PDE1C: variants seen among roughly 807,000 people sequenced by gnomAD.
The protein encoded by PDE1C is phosphodiesterase 1C, also known as dual specificity calcium/calmodulin-dependent 3',5'-cyclic nucleotide phosphodiesterase 1C.
Under a neutral mutation model 93.1 loss-of-function variants are expected in PDE1C, and 62 were observed. The ratio of observed to expected loss-of-function variants is 0.67; its 90% CI spans 0.54 to 0.82. PDE1C has a LOEUF of 0.82. PDE1C is among the 40% of genes least tolerant of loss of function. PDE1C has a pLI of 0.00. For missense variants in PDE1C, 742 were observed against 884.6 expected (o/e 0.84, Z 2.04); for synonymous variants, 325 against 310.1 (o/e 1.05, Z -0.50).
intron 1 of PDE1C, among the ~76,000 whole-genome samples, chr7:32,273,508 G>A (rs1183802354): frequency 6.6e-6 from 1 of 152,172 alleles, no homozygotes; most frequent in Non-Finnish European, 1.5e-5. Flanking sequence ...CACAGTAAGG[G>A]GAACTGGAAC....
chr7:31,652,781 T>G, the PDE1C span: 1 of 1,613,794 alleles, frequency 6.2e-7, no homozygotes, highest in Middle Eastern at 1.6e-4. Context: ...GTCCAACCCC[T>G]TTGTCAAATT....
At chr7:32,261,430 TA>T (rs1810193048) in intron 1 of PDE1C, among the ~76,000 whole-genome samples, 1 of 152,158 alleles carries the variant, frequency 6.6e-6, no homozygotes. Flanking sequence ...AAATTATCTT[TA>T]AAAACTCTGA....
chr7:32,247,905 A>G (rs550382110), intron 1 of PDE1C, among the ~76,000 whole-genome samples: 3 of 152,316 alleles, frequency 2.0e-5, no homozygotes, highest in Non-Finnish European at 2.9e-5. Context: ...GTACTAGTAC[A>G]ATGGGCATCT....
chr7:31,795,181 AT>A (rs1166669569), intron 16 of PDE1C, among the ~76,000 whole-genome samples: 2 of 151,920 alleles, frequency 1.3e-5, no homozygotes, highest in Non-Finnish European at 2.9e-5. Flanking sequence ...TAGAAAAGAA[AT>A]GGCATTACCA....
intron 2 of PDE1C, among the ~76,000 whole-genome samples, chr7:31,958,986 C>T (rs181810735): frequency 2.2e-4 from 33 of 152,234 alleles, no homozygotes; most frequent in Admixed American, 1.9e-3. Flanking sequence ...TCCTATCACC[C>T]CTTTCCCCAG....
chr7:32,380,910 G>A (rs747701844), intron 1 of PDE1C, among the ~76,000 whole-genome samples: 1 of 151,824 alleles, frequency 6.6e-6, no homozygotes, highest in Non-Finnish European at 1.5e-5. Flanking sequence ...CAGCTGTACT[G>A]CACACCACAC....
At chr7:31,792,901 C>G (rs998443439) in intron 16 of PDE1C, among the ~76,000 whole-genome samples, 1 of 152,056 alleles carries the variant, frequency 6.6e-6, no homozygotes, top group African/African-American at 2.4e-5. Context: ...GAAATGGAAA[C>G]TTTCTTGCCA....
chr7:32,417,994 T>G (rs531326112), intron 1 of PDE1C, among the ~76,000 whole-genome samples: 10 of 152,294 alleles, frequency 6.6e-5, no homozygotes, highest in South Asian at 4.1e-4. Flanking sequence ...TTTTGTTTTG[T>G]TTTGGTTTGG....
At chr7:32,188,714 T>G (rs1804039769) in intron 2 of PDE1C, among the ~76,000 whole-genome samples, 1 of 152,104 alleles carries the variant, frequency 6.6e-6, no homozygotes, top group South Asian at 2.1e-4. Context: ...TTCTAAGTCT[T>G]TAGGATGGTA....
chr7:32,116,946 C>T (rs375523338), intron 3 of PDE1C, among the ~76,000 whole-genome samples: 11 of 152,186 alleles, frequency 7.2e-5, no homozygotes, highest in African/African-American at 2.7e-4. Flanking sequence ...AGTGTTAACA[C>T]TCCTCATCTC....
chr7:31,760,313 T>C (rs1387103481), intron 17 of PDE1C, among the ~76,000 whole-genome samples: 1 of 152,206 alleles, frequency 6.6e-6, no homozygotes, highest in African/African-American at 2.4e-5. Flanking sequence ...AATTAATTTC[T>C]TATCATATGG....
At chr7:32,282,485 A>AATAGATAGCTAGATAGATAGACAGATAG (rs376678996) in intron 1 of PDE1C, among the ~76,000 whole-genome samples, 2 of 143,860 alleles carry the variant, frequency 1.4e-5, no homozygotes, top group Non-Finnish European at 3.0e-5. Context: ...TCAAAAAAAA[A>AATAGATAGCTAGATAGATAGACAGATAG]ATAGATAGAT....
chr7:31,705,380 G>A, the PDE1C span, among the ~76,000 whole-genome samples: 1 of 152,170 alleles, frequency 6.6e-6, no homozygotes, highest in Non-Finnish European at 1.5e-5. Context: ...TTGGGGCTCA[G>A]CATAGCTAAC....
At chr7:32,384,212 G>A (rs759764575) in intron 1 of PDE1C, among the ~76,000 whole-genome samples, 1 of 152,124 alleles carries the variant, frequency 6.6e-6, no homozygotes, top group African/African-American at 2.4e-5. Flanking sequence ...AAGATTCACA[G>A]GTAAATAAAT....
intron 11 of PDE1C, among the ~76,000 whole-genome samples, chr7:31,830,226 T>C (rs1426830372): frequency 2.0e-5 from 3 of 151,804 alleles, no homozygotes; most frequent in South Asian, 2.1e-4. Context: ...GCTGATAATG[T>C]AGAGGAATAA....
the PDE1C span, among the ~76,000 whole-genome samples, chr7:31,630,612 C>T: frequency 7.9e-5 from 12 of 151,982 alleles, no homozygotes; most frequent in East Asian, 1.7e-3. Context: ...AGATCTGCAT[C>T]GAGTATGTCA....
At chr7:32,376,319 G>A (rs1000026498) in intron 1 of PDE1C, among the ~76,000 whole-genome samples, 1 of 152,160 alleles carries the variant, frequency 6.6e-6, no homozygotes, top group African/African-American at 2.4e-5. Flanking sequence ...GATTCCTGAT[G>A]GATTTTTACC....
At chr7:31,863,304 C>T (rs1438885479) in intron 7 of PDE1C, among the ~76,000 whole-genome samples, 2 of 152,052 alleles carry the variant, frequency 1.3e-5, no homozygotes, top group African/African-American at 2.4e-5. Context: ...CTAGACCTAT[C>T]GAGGTATTTT....
intron 1 of PDE1C, among the ~76,000 whole-genome samples, chr7:32,228,254 C>CAG (rs1369606712): frequency 1.3e-5 from 2 of 152,218 alleles, no homozygotes; most frequent in Admixed American, 1.3e-4. Context: ...GTGTTTCTTA[C>CAG]AGAGGTAATG....
Sources: gnomAD v4.1 joint callset for allele counts (sites outside exome capture counted in the v4.1 genomes callset) on GRCh38, gnomAD v4.1.1 for gene constraint, MANE v1.5 for transcripts, NCBI Gene and HGNC (gene_info 2026-07-23, HGNC 2026-07-21) for gene names.